Variants in ACER2 observed in about 807,000 individuals in gnomAD.
ACER2 encodes the protein alkCDase 2.
ACER2 carries 26 observed loss-of-function variants against 34.7 expected under a neutral mutation model. The observed-to-expected ratio is 0.75, with a 90% confidence interval of 0.55 to 1.04. The LOEUF (loss-of-function observed/expected upper bound fraction) is 1.04, where lower values mean the gene tolerates loss of function less well. Among genes scored for constraint, ACER2 ranks in the 50% least tolerant of loss-of-function variants. The pLI is 0.00. For missense variants in ACER2, 352 were observed against 340.8 expected (o/e 1.03, Z -0.26); for synonymous variants, 138 against 132.1 (o/e 1.04, Z -0.31).
chr9:19,420,854 C>T lies in ACER2; in HGVS notation c.109-3008C>T, dbSNP rs4294276. Among the ~76,000 whole-genome samples, 119 of 152,260 alleles carry T rather than the reference C, an allele frequency of 7.8e-4. 2 individuals carry two copies. The South Asian group carries it at 0.023, about 29-fold the overall frequency. On this transcript the variant is annotated intron_variant, in intron 1 of 5. Transcript: ENST00000340967. ...CATGGTGGGAAGGGTGAATACCTCC[C>T]TCAGACCTCTGTTAGAAGAGCGCTA...
At chr9:19,437,300 A>G (rs1021687218) in intron 4 of ACER2, among the ~76,000 whole-genome samples, 3 of 152,154 alleles carry the variant, frequency 2.0e-5, no homozygotes, top group Admixed American at 6.5e-5. Flanking sequence ...TCTGTCTTAG[A>G]GTCCCCAAAT....
chr9:19,411,831 C>T (rs1830095619), intron 1 of ACER2, among the ~76,000 whole-genome samples: 1 of 152,166 alleles, frequency 6.6e-6, no homozygotes, highest in South Asian at 2.1e-4. Flanking sequence ...ACTACTACAC[C>T]TTCAGATACT....
At chr9:19,442,527 C>T (rs988239013) in intron 4 of ACER2, among the ~76,000 whole-genome samples, 22 of 152,282 alleles carry the variant, frequency 1.4e-4, no homozygotes, top group South Asian at 4.1e-4. Context: ...CCTCCTGCCT[C>T]GTACATGCCA....
chr9:19,438,534 C>T (rs1406017742), intron 4 of ACER2, among the ~76,000 whole-genome samples: 14 of 152,234 alleles, frequency 9.2e-5, no homozygotes, highest in Non-Finnish European at 1.9e-4. Flanking sequence ...TGGATGTTAA[C>T]ACATCTTAAA....
At position 19,409,049 on chromosome 9, in the gene ACER2, C is replaced by A; in HGVS notation, c.-36C>A. 1 of 1,529,588 alleles carries A rather than the reference C, an allele frequency of 6.5e-7. No individual in the cohort carries two copies. Among genetic ancestry groups the A allele is most frequent in the South Asian group, 1.2e-5 (1 of 82,988 alleles). 94.8% of individuals were successfully genotyped at this position (1,529,588 alleles called of 1,614,324 possible). On this transcript the variant is annotated 5_prime_UTR_variant, in exon 1 of 6. It adds an upstream start codon to the 5' untranslated region. Coordinates refer to ENST00000340967, the MANE Select transcript of ACER2 (RefSeq NM_001010887.3). ...CGCAGCAGCTCTGGGCTCTTCTCAG[C>A]TGCGCGAGCAGCTGCTCCAATGCCC...
Position 19,430,737 on chromosome 9 carries a change from C to T in ACER2, c.366-4210C>T, listed in dbSNP as rs1360983542. 2.0e-5 allele frequency among the ~76,000 whole-genome samples: 3 copies of T among 152,256 alleles called. No individual in the cohort carries two copies. In the East Asian group the frequency reaches 5.8e-4, roughly 29 times the overall value. Reference sequence around the variant, plus strand: ...CTTTGGGAGGCTGAGGCAGGTGGATCACCTGAGGTCAGGAGTTTGAGACTA... The same window carrying T: ...CTTTGGGAGGCTGAGGCAGGTGGATTACCTGAGGTCAGGAGTTTGAGACTA... On this transcript the variant is annotated intron_variant, in intron 3 of 5. Transcript: ENST00000340967.
rs141474319 is a variant in ACER2 at position 19,436,753 on chromosome 9, C to T, written c.503+1669C>T. Reference sequence around the variant, plus strand: ...TAGTCAACACATTTCCTGTTTTTGACCATTTAGGTTGTTTCCAGTTTTTCA... The same window carrying T: ...TAGTCAACACATTTCCTGTTTTTGATCATTTAGGTTGTTTCCAGTTTTTCA... On this transcript the variant is annotated intron_variant, in intron 4 of 5. Coordinates refer to ENST00000340967, the MANE Select transcript of ACER2 (RefSeq NM_001010887.3). Among the ~76,000 whole-genome samples the T allele has an allele frequency of 3.7e-3, 570 of 152,176 alleles. 2 individuals carry two copies. Among genetic ancestry groups the T allele is most frequent in the African/African-American group, 0.013 (546 of 41,522 alleles).
chr9:19,450,668 C>T lies in ACER2; in HGVS notation c.*32C>T, dbSNP rs190124016. The stretch of plus-strand genomic sequence containing the variant: ...GATGGTGGCTGGCTTCTCTGCTTAT[C>T]GCCCCTCATGCAGTGGGCTTCCTTT... On this transcript the variant is annotated 3_prime_UTR_variant, in exon 6 of 6. Coordinates refer to ENST00000340967, the MANE Select transcript of ACER2 (RefSeq NM_001010887.3). The T allele has an allele frequency of 4.7e-4, 720 of 1,518,180 alleles. 2 individuals are homozygous for T. In the African/African-American group the frequency reaches 8.5e-3, roughly 18 times the overall value. 94.0% of individuals were successfully genotyped at this position (1,518,180 alleles called of 1,614,324 possible).
intron 1 of ACER2, among the ~76,000 whole-genome samples, chr9:19,413,464 G>A (rs963625786): frequency 1.3e-5 from 2 of 152,132 alleles, no homozygotes; most frequent in Non-Finnish European, 2.9e-5. Flanking sequence ...GCCAAGTGTG[G>A]TGGTGTGTGC....
At chr9:19,439,166 C>T (rs1174721839) in intron 4 of ACER2, among the ~76,000 whole-genome samples, 3 of 152,118 alleles carry the variant, frequency 2.0e-5, no homozygotes, top group Admixed American at 2.0e-4. Flanking sequence ...AAAAGCTAGC[C>T]ATCACTAAAG....
intron 1 of ACER2, among the ~76,000 whole-genome samples, chr9:19,419,983 A>G (rs1589038268): frequency 6.6e-6 from 1 of 151,962 alleles, no homozygotes; most frequent in African/African-American, 2.4e-5. Context: ...TGTCATGCTT[A>G]CCCGCTCTCC....
At chr9:19,419,397 C>G (rs1830333906) in intron 1 of ACER2, among the ~76,000 whole-genome samples, 1 of 152,054 alleles carries the variant, frequency 6.6e-6, no homozygotes, top group Admixed American at 6.6e-5. Flanking sequence ...GACAACTTGT[C>G]CATATTCTTA....
intron 4 of ACER2, among the ~76,000 whole-genome samples, chr9:19,436,894 T>C (rs1830994245): frequency 6.6e-6 from 1 of 152,244 alleles, no homozygotes; most frequent in African/African-American, 2.4e-5. Flanking sequence ...TTGTTTTCAG[T>C]GCTCCCTATC....
chr9:19,433,870 G>T (rs1383821394), intron 3 of ACER2, among the ~76,000 whole-genome samples: 3 of 150,836 alleles, frequency 2.0e-5, no homozygotes, highest in African/African-American at 7.3e-5. Flanking sequence ...GGGCAGAGGT[G>T]CCCCTCACCT....
At position 19,409,172 on chromosome 9, in the gene ACER2, A is replaced by G. The variant is rs1439532864; in HGVS notation, c.88A>G (p.Ile30Val). The G allele has an allele frequency of 2.5e-6, 4 of 1,600,994 alleles. No homozygotes were observed. Among genetic ancestry groups the G allele is most frequent in the African/African-American group, 2.7e-5 (2 of 74,692 alleles). Residue 30 changes from isoleucine (I) to valine (V), a missense_variant, in exon 1 of 6, where the codon ATC becomes GTC. By Grantham distance (29) the Ile-to-Val change is conservative (BLOSUM62 3). Transcript: ENST00000340967. Reference protein sequence around the residue: ...CEDNYTIVPAIAEFYNTISNV... With the variant: ...CEDNYTIVPAVAEFYNTISNV... ...GGACAACTACACCATCGTGCCTGCT[A>G]TCGCCGAGTTCTACAACACGGTGCG...
intron 1 of ACER2, among the ~76,000 whole-genome samples, chr9:19,418,962 G>C (rs576422959): frequency 6.6e-6 from 1 of 152,236 alleles, no homozygotes; most frequent in South Asian, 2.1e-4. Flanking sequence ...CGAGGAGGGT[G>C]GATCACCTGA....
At chr9:19,412,987 C>G (rs543205648) in intron 1 of ACER2, among the ~76,000 whole-genome samples, 44 of 152,284 alleles carry the variant, frequency 2.9e-4, no homozygotes, top group Non-Finnish European at 5.9e-4. Flanking sequence ...TGTACTTTCG[C>G]AAGCACTAAT....
intron 4 of ACER2, among the ~76,000 whole-genome samples, chr9:19,437,739 C>G (rs982089687): frequency 2.6e-5 from 4 of 152,104 alleles, no homozygotes; most frequent in Non-Finnish European, 5.9e-5. Flanking sequence ...TACTACTTTC[C>G]AAAATCCTAC....
chr9:19,450,354 A>G, intron 5 of ACER2, 96 bp from the exon 6 acceptor site: 3 of 1,394,286 alleles, frequency 2.2e-6, no homozygotes, highest in Non-Finnish European at 2.8e-6. Flanking sequence ...ACAGTCAGCA[A>G]GGTGCGTGGG....
Sources: gnomAD v4.1 joint callset for allele counts (sites outside exome capture counted in the v4.1 genomes callset) on GRCh38, gnomAD v4.1.1 for gene constraint, MANE v1.5 for transcripts, NCBI Gene and HGNC (gene_info 2026-07-23, HGNC 2026-07-21) for gene names.